Variants in NISCH observed in about 807,000 individuals in gnomAD.
NISCH encodes the protein I-1 receptor candidate protein.
A neutral mutation model predicts 138.4 loss-of-function variants in NISCH; 55 were observed. That is an observed-to-expected ratio of 0.40 (90% CI 0.32 to 0.50). The LOEUF is 0.50. Among genes scored for constraint, NISCH ranks in the 20% least tolerant of loss-of-function variants. NISCH has a pLI of 0.71. For synonymous variants in NISCH, 860 were observed against 861.5 expected (o/e 1.00, Z 0.03); for missense variants, 1,643 against 2,005.5 (o/e 0.82, Z 3.45).
At position 52,489,573 on chromosome 3, in the gene NISCH, G is replaced by A. The variant is rs747838778; in HGVS notation, c.3351G>A (p.Glu1117=). 22 of 1,613,280 alleles carry A rather than the reference G, an allele frequency of 1.4e-5. No individual in the cohort carries two copies. The South Asian group carries it at 2.4e-4, about 18-fold the overall frequency. The part of the protein sequence containing the change: ...PSEHLIQATS[E]ENQIPSHLPA... ...AGCACCTCATCCAGGCCACCTCGGA[G>A]GAGAATCAGATCCCCTCGCACTTGC... Residue 1117 remains glutamate (E), a synonymous_variant, in exon 17 of 21, where the codon GAG becomes GAA. Transcript: ENST00000345716.
At chr3:52,477,738 G>T (rs964059728) in intron 9 of NISCH, 96 bp downstream of exon 9, 14 of 1,022,226 alleles carry the variant, frequency 1.4e-5, no homozygotes, top group Non-Finnish European at 2.0e-5. Flanking sequence ...TTGGCCAGGG[G>T]TTGTAAGGGC....
intron 1 of NISCH, 59 bp downstream of exon 1, chr3:52,455,793 T>A (rs1706447166): frequency 1.6e-6 from 2 of 1,229,986 alleles, no homozygotes; most frequent in African/African-American, 1.6e-5. Flanking sequence ...GGAGTCCGAC[T>A]CGGGGGCTTG....
rs1345254018 is a variant in NISCH at position 52,487,504 on chromosome 3, G to A, written c.2012G>A (p.Gly671Glu). ...DVEEEEGGGQ[G>E]EEEEEEEEDE... ...GAGGAGGAGGAGGGAGGAGGCCAGG[G>A]GGAGGAAGAGGAGGAGGAAGAGGAG... Residue 671 changes from glycine to glutamate, a missense_variant, in exon 16 of 21, where the codon GGG (glycine) becomes GAG (glutamate). Physicochemically the swap from Gly to Glu is moderately conservative, Grantham distance 98. Coordinates refer to ENST00000345716, the MANE Select transcript of NISCH (RefSeq NM_007184.4). This position sits in a 1 kb window ranked among gnomAD's most constrained non-coding sequence, Gnocchi z 9.1. The A allele has an allele frequency of 4.4e-6, 7 of 1,603,658 alleles. No individual in the cohort carries two copies. The Admixed American group carries it at 1.2e-4, about 27-fold the overall frequency.
chr3:52,468,274 G>C (rs1706842635), intron 3 of NISCH, among the ~76,000 whole-genome samples: 1 of 152,060 alleles, frequency 6.6e-6, no homozygotes, highest in African/African-American at 2.4e-5. Context: ...AAAGAAGTGT[G>C]CCGTTGAAAA....
At position 52,487,706 on chromosome 3, in the gene NISCH, C is replaced by G; in HGVS notation, c.2214C>G (p.Val738=). Residue 738 remains valine (V), a synonymous_variant, in exon 16 of 21, where the codon GTC becomes GTG. Coordinates refer to ENST00000345716, the MANE Select transcript of NISCH (RefSeq NM_007184.4). The surrounding 1 kb of genome is among the most constrained non-coding windows in gnomAD (Gnocchi z 9.1). ...TGCTCACCGACTTCGGCATCGCAGT[C>G]TTCGAGATCCCGCACCAGGAGTCTC... ...CLVLTDFGIA[V]FEIPHQESRG... 1 of 1,613,734 alleles carries G rather than the reference C, an allele frequency of 6.2e-7. No homozygotes were observed. Among genetic ancestry groups the G allele is most frequent in the Non-Finnish European group, 8.5e-7 (1 of 1,180,014 alleles).
chr3:52,486,880 G>A (rs1157736203), intron 15 of NISCH, among the ~76,000 whole-genome samples: 2 of 152,222 alleles, frequency 1.3e-5, no homozygotes, highest in African/African-American at 4.8e-5. Flanking sequence ...GGCAGCAACT[G>A]AATGACTTAG....
chr3:52,458,489 G>A (rs919043918), intron 2 of NISCH, among the ~76,000 whole-genome samples, 173 bp from the exon 3 acceptor site: 1 of 152,138 alleles, frequency 6.6e-6, no homozygotes, highest in Admixed American at 6.6e-5. Flanking sequence ...AATGCTAATT[G>A]GATTTAAAGA....
In NISCH at chr3:52,492,581, A is replaced by G; in HGVS notation, c.*99A>G. 2 of 1,362,662 alleles carry G rather than the reference A, an allele frequency of 1.5e-6. No homozygotes were observed. Among genetic ancestry groups the G allele is most frequent in the Non-Finnish European group, 1.9e-6 (2 of 1,029,418 alleles). 84.4% of individuals were successfully genotyped at this position (1,362,662 alleles called of 1,614,324 possible). A position where few individuals can be genotyped will look rare whatever the true frequency, so the allele number is the denominator to read the frequency against. On this transcript the variant is annotated 3_prime_UTR_variant, in exon 21 of 21. Transcript: ENST00000345716. The stretch of plus-strand genomic sequence containing the variant: ...AAAAATGTTTTATCCTCCCTTTGGT[A>G]CCTTAATTTGACTGTCCTCGCAGAG...
At position 52,490,161 on chromosome 3, in the gene NISCH, G is replaced by A; in HGVS notation, c.3543G>A (p.Leu1181=). The A allele has an allele frequency of 1.2e-6, 2 of 1,613,534 alleles. No homozygotes were observed. The highest frequency in any genetic ancestry group is 1.7e-6 in the Non-Finnish European group (2 of 1,180,018). The change falls in exon 18 of 21, where the codon CTG becomes CTA. Residue 1181 remains leucine, a synonymous_variant. Transcript: ENST00000345716. ...TPGLEVTACV[L]LSTKAVYFVL... ...GGCTGGAGGTGACTGCCTGCGTGCT[G>A]CTCTCCACCAAGGCTGTGTACTTTG...
chr3:52,492,319 T>A lies in NISCH; in HGVS notation c.4352T>A (p.Phe1451Tyr). The change falls in exon 21 of 21, where the codon TTT becomes TAT. Residue 1451 changes from phenylalanine to tyrosine, a missense_variant. Physicochemically the swap from Phe to Tyr is conservative, Grantham distance 22. Coordinates refer to ENST00000345716, the MANE Select transcript of NISCH (RefSeq NM_007184.4). ...DLMGSVTLDH[F>Y]GEVPGGPARA... ...ATGGGCAGTGTCACCCTGGACCACT[T>A]TGGGGAGGTGCCAGGTGGCCCGGCT... 1 of 1,613,414 alleles carries A rather than the reference T, an allele frequency of 6.2e-7. No homozygotes were observed. The highest frequency in any genetic ancestry group is 8.5e-7 in the Non-Finnish European group (1 of 1,180,036).
At chr3:52,478,672 C>A in intron 11 of NISCH, 95 bp downstream of exon 11, 1 of 1,191,174 alleles carries the variant, frequency 8.4e-7, no homozygotes. Flanking sequence ...ATTGTTCTAC[C>A]CTTGCCTGCT....
Position 52,472,413 on chromosome 3 carries a change from T to C in NISCH, c.669+15T>C, listed in dbSNP as rs775953381. The C allele has an allele frequency of 1.9e-6, 3 of 1,600,870 alleles. No homozygotes were observed. The highest frequency in any genetic ancestry group is 3.3e-5 in the Admixed American group (2 of 59,980). On this transcript the variant is annotated intron_variant, in intron 6 of 20. Coordinates refer to ENST00000345716, the MANE Select transcript of NISCH (RefSeq NM_007184.4). The stretch of plus-strand genomic sequence containing the variant: ...ATCAGGTGGAGGTAAGGCCCAGCGC[T>C]GCACAGCATCCTCTCGCTCCCAACT...
intron 3 of NISCH, among the ~76,000 whole-genome samples, chr3:52,461,760 G>A (rs975193765): frequency 6.6e-6 from 1 of 151,954 alleles, no homozygotes; most frequent in Non-Finnish European, 1.5e-5. Flanking sequence ...CTACTCGGGA[G>A]GCTGAGGCAG....
At chr3:52,464,271 G>A (rs570264305) in intron 3 of NISCH, among the ~76,000 whole-genome samples, 2 of 151,754 alleles carry the variant, frequency 1.3e-5, no homozygotes, top group East Asian at 2.0e-4. Flanking sequence ...GGTGGTGTGT[G>A]CCTGTAATCT....
rs1706444947 is a variant in NISCH, at chr3:52,455,722, G to A, written c.81G>A (p.Val27=). The A allele has an allele frequency of 1.5e-6, 2 of 1,367,616 alleles. No homozygotes were observed. The highest frequency in any genetic ancestry group is 1.9e-6 in the Non-Finnish European group (2 of 1,049,806). 84.7% of individuals were successfully genotyped at this position (1,367,616 alleles called of 1,614,324 possible). ...CGCGCGTCGTGGGCTCGGAGCTTGTGGACACTTATACGGTGTGTTGGGGGC... is the reference window on the plus strand; with the variant it reads ...CGCGCGTCGTGGGCTCGGAGCTTGTAGACACTTATACGGTGTGTTGGGGGC... ...KEARVVGSEL[V]DTYTVYIIQV... is the part of the protein sequence containing the mutation. The change falls in exon 1 of 21, where the codon GTG becomes GTA. Residue 27 remains valine, a synonymous_variant. Transcript: ENST00000345716.
chr3:52,490,277 TG>T lies in NISCH; in HGVS notation c.3613+50del, dbSNP rs1428179494. ...GGCTCAGGAGCTTGGAGTGTGTGGT[TG>T]GGGCAGGCCTGGGGGGTCATTCTCT... On this transcript the variant is annotated intron_variant, in intron 18 of 20. Coordinates refer to ENST00000345716, the MANE Select transcript of NISCH (RefSeq NM_007184.4). 4 of 1,601,474 alleles carry T rather than the reference TG, an allele frequency of 2.5e-6. No homozygotes were observed. The South Asian group carries it at 4.4e-5, about 18-fold the overall frequency.
intron 7 of NISCH, 31 bp downstream of exon 7, chr3:52,473,860 A>G (rs1707019447): frequency 1.4e-5 from 20 of 1,465,210 alleles, no homozygotes; most frequent in Admixed American, 3.5e-5. Context: ...GCCTGGGGCA[A>G]TGTCTGTGGA....
chr3:52,477,779 G>T (rs1250465903), intron 9 of NISCH, 137 bp downstream of exon 9: 4 of 718,040 alleles, frequency 5.6e-6, no homozygotes, highest in Non-Finnish European at 9.8e-6. Context: ...TAGGATCCCA[G>T]CAATGCACTG....
At chr3:52,479,903 C>T in intron 12 of NISCH, 41 bp downstream of exon 12, 1 of 1,511,946 alleles carries the variant, frequency 6.6e-7, no homozygotes, top group Non-Finnish European at 9.1e-7. Flanking sequence ...GGTGCAGAGC[C>T]AGCCGGGATA....
Sources: gnomAD v4.1 joint callset for allele counts (sites outside exome capture counted in the v4.1 genomes callset) on GRCh38, gnomAD v4.1.1 for gene constraint, Gnocchi (gnomAD v3.1) non-coding constraint, MANE v1.5 for transcripts, NCBI Gene and HGNC (gene_info 2026-07-23, HGNC 2026-07-21) for gene names.